RAD54L: variants seen among roughly 807,000 people sequenced by gnomAD.
RAD54L encodes DNA repair and recombination protein RAD54-like.
In RAD54L, 74 loss-of-function variants were observed where a neutral mutation model predicts 91.6. The observed-to-expected ratio is 0.81, with a 90% CI of 0.67 to 0.98. The LOEUF (loss-of-function observed/expected upper bound fraction) is 0.98. RAD54L is among the 50% of genes least tolerant of loss of function. RAD54L has a pLI of 0.00. For missense variants in RAD54L, 887 were observed against 945.7 expected (o/e 0.94, Z 0.81); for synonymous variants, 304 against 349.7 (o/e 0.87, Z 1.46).
At chr1:46,250,271 C>T in intron 3 of RAD54L, 152 bp downstream of exon 3, 4 of 1,099,846 alleles carry the variant, frequency 3.6e-6, no homozygotes, top group Admixed American at 1.8e-5. Flanking sequence ...GCTGCTGGGG[C>T]CTGCTTAGAG....
At position 46,265,181 on chromosome 1, in the gene RAD54L, T is replaced by A. The variant is rs4660917; in HGVS notation, c.892-2278T>A. On this transcript the variant is annotated intron_variant, in intron 8 of 17. Coordinates refer to ENST00000371975, the MANE Select transcript of RAD54L (RefSeq NM_003579.4). The surrounding 1 kb of genome is among the most constrained non-coding windows in gnomAD (Gnocchi z 4.8). ...TACTTGGAGCCTCTAATAATTTTTTTTTTCTTAATTAAATTTCTAGGCCAA... is the reference window on the plus strand; with the variant it reads ...TACTTGGAGCCTCTAATAATTTTTTATTTCTTAATTAAATTTCTAGGCCAA... Among the ~76,000 whole-genome samples, 100,218 of 151,792 alleles carry A rather than the reference T, an allele frequency of 0.66. 34,044 individuals carry two copies. The highest frequency in any genetic ancestry group is 0.79 in the East Asian group (4,056 of 5,120).
chr1:46,252,702 C>G (rs75642106), intron 3 of RAD54L, among the ~76,000 whole-genome samples: 2,723 of 152,002 alleles, frequency 0.018, 74 homozygotes, highest in African/African-American at 0.057. Context: ...CCATGAAGTT[C>G]AATGTATTAT....
At chr1:46,274,421 G>C (rs999419695) in intron 15 of RAD54L, 117 bp from the exon 16 acceptor site, 3 of 1,357,766 alleles carry the variant, frequency 2.2e-6, no homozygotes, top group Non-Finnish European at 3.2e-6. Flanking sequence ...ATAAACTGGT[G>C]GTTTTCACAA....
rs1364266436 is a variant in RAD54L, at chr1:46,248,424, G to A, written c.3+16G>A. On this transcript the variant is annotated intron_variant, in intron 1 of 17. Transcript: ENST00000371975. ...GCCCAGGATGGTAAGTGTGGGCCTA[G>A]GGGAGACTGGGAATAGCCCTGGGTC... The A allele has an allele frequency of 1.2e-6, 2 of 1,614,016 alleles. No individual in the cohort carries two copies. The highest frequency in any genetic ancestry group is 1.7e-6 in the Non-Finnish European group (2 of 1,179,916).
At position 46,260,870 on chromosome 1, in the gene RAD54L, C is replaced by G. The variant is rs1660095715; in HGVS notation, c.621C>G (p.Cys207Trp). ...CACTTTTACGCCAGAGTCCAGAGTG[C>G]AAGCCAGAAATTGACAAGGCAGTGG... ...MWTLLRQSPE[C>W]KPEIDKAVVV... The change falls in exon 7 of 18, where the codon TGC (cysteine) becomes TGG (tryptophan). Residue 207 changes from cysteine to tryptophan, a missense_variant. By Grantham distance (215) the Cys-to-Trp change is radical (BLOSUM62 -2). Coordinates refer to ENST00000371975, the MANE Select transcript of RAD54L (RefSeq NM_003579.4). 1.2e-6 allele frequency: 2 copies of G among 1,614,224 alleles called. No individual in the cohort carries two copies. Among genetic ancestry groups the G allele is most frequent in the African/African-American group, 2.7e-5 (2 of 75,056 alleles).
intron 9 of RAD54L, among the ~76,000 whole-genome samples, chr1:46,270,029 C>T (rs1052258769): frequency 1.3e-5 from 2 of 151,824 alleles, no homozygotes; most frequent in Admixed American, 6.6e-5. Context: ...GCCATGATTG[C>T]CCCATTGCAT....
Position 46,277,801 on chromosome 1 carries a change from A to T in RAD54L, c.1870-16A>T, listed in dbSNP as rs1333231487. 1.3e-6 allele frequency: 2 copies of T among 1,595,272 alleles called. No individual in the cohort carries two copies. Among genetic ancestry groups the T allele is most frequent in the Non-Finnish European group, 1.7e-6 (2 of 1,163,880 alleles). On this transcript the variant is annotated splice_polypyrimidine_tract_variant and intron_variant, in intron 16 of 17. Coordinates refer to ENST00000371975, the MANE Select transcript of RAD54L (RefSeq NM_003579.4). The stretch of plus-strand genomic sequence containing the variant: ...AGCGCTGTATCTTTTGACATTCCCC[A>T]CCTCCTCTTCCCCAGGCAGGGACCA...
intron 9 of RAD54L, among the ~76,000 whole-genome samples, chr1:46,267,978 T>G (rs1660314254): frequency 6.6e-6 from 1 of 152,206 alleles, no homozygotes; most frequent in African/African-American, 2.4e-5. Flanking sequence ...TTAAAAATCA[T>G]TTTAACCATT....
rs555848347 is a variant in RAD54L, at chr1:46,261,156, G to C, written c.767-105G>C. ...TTCCATTGAAAATAGTTGAAGTGGA[G>C]TCAGTTGTTTCCAGGCTAAATTAAA... On this transcript the variant is annotated intron_variant, in intron 7 of 17. Transcript: ENST00000371975. 5.2e-6 allele frequency: 8 copies of C among 1,550,590 alleles called. No individual in the cohort carries two copies. The South Asian group carries it at 9.1e-5, about 18-fold the overall frequency.
chr1:46,269,044 C>T (rs1660344325), intron 9 of RAD54L, among the ~76,000 whole-genome samples: 1 of 152,160 alleles, frequency 6.6e-6, no homozygotes, highest in Non-Finnish European at 1.5e-5. Flanking sequence ...GAATTATGGG[C>T]ATGAGCCCCT....
chr1:46,259,826 C>T, intron 4 of RAD54L, 138 bp from the exon 5 acceptor site: 1 of 1,103,936 alleles, frequency 9.1e-7, no homozygotes, highest in Non-Finnish European at 1.4e-6. Flanking sequence ...GATGCCCAAA[C>T]TGAGTTTGGA....
At chr1:46,253,490 G>A (rs1057291482) in intron 3 of RAD54L, among the ~76,000 whole-genome samples, 2 of 151,926 alleles carry the variant, frequency 1.3e-5, no homozygotes, top group Non-Finnish European at 2.9e-5. Context: ...GTGTGGTGGC[G>A]GGCGCCTGTA....
intron 9 of RAD54L, 150 bp from the exon 10 acceptor site, chr1:46,270,509 C>A: frequency 9.8e-7 from 1 of 1,018,012 alleles, no homozygotes; most frequent in Non-Finnish European, 1.5e-6. Context: ...TGATACCTCT[C>A]TGATCTGTTA....
intron 16 of RAD54L, among the ~76,000 whole-genome samples, chr1:46,276,195 T>C (rs1228672553): frequency 6.6e-6 from 1 of 152,124 alleles, no homozygotes; most frequent in African/African-American, 2.4e-5. Context: ...ACTGATTGAT[T>C]TTGAGACACT....
At position 46,263,030 on chromosome 1, in the gene RAD54L, T is replaced by C. The variant is rs1660173204; in HGVS notation, c.891+1645T>C. ...TGAAATTATTAAGAAAAAGCTCTTA[T>C]CGCAGTGCCTGGTATGTCATAAGGC... On this transcript the variant is annotated intron_variant, in intron 8 of 17. Transcript: ENST00000371975. This position sits in a 1 kb window ranked among gnomAD's most constrained non-coding sequence, Gnocchi z 4.3. Among the ~76,000 whole-genome samples, 1 of 152,154 alleles carries C rather than the reference T, an allele frequency of 6.6e-6. No individual in the cohort carries two copies. Among genetic ancestry groups the C allele is most frequent in the Admixed American group, 6.5e-5 (1 of 15,270 alleles).
chr1:46,254,337 C>T lies in RAD54L; in HGVS notation c.210+4218C>T, dbSNP rs142881065. On this transcript the variant is annotated intron_variant, in intron 3 of 17. Transcript: ENST00000371975. Reference sequence around the variant, plus strand: ...GAAGGGGTCCCAAAGGCAAAAGTGCCTGGGGCCCACAAGAGTCATAGTGTG... The same window carrying T: ...GAAGGGGTCCCAAAGGCAAAAGTGCTTGGGGCCCACAAGAGTCATAGTGTG... 4.4e-3 allele frequency among the ~76,000 whole-genome samples: 673 copies of T among 151,410 alleles called. 5 individuals carry two copies. The highest frequency in any genetic ancestry group is 0.015 in the African/African-American group (621 of 41,236).
At chr1:46,254,866 C>T (rs950854247) in intron 3 of RAD54L, among the ~76,000 whole-genome samples, 45 of 152,106 alleles carry the variant, frequency 3.0e-4, no homozygotes, top group African/African-American at 8.7e-4. Flanking sequence ...GGATTACAGA[C>T]GTGAGTCACT....
chr1:46,274,601 G>T lies in RAD54L; in HGVS notation c.1753G>T (p.Ala585Ser). The change falls in exon 16 of 18, where the codon GCT (alanine) becomes TCT (serine). Residue 585 changes from alanine (A) to serine (S), a missense_variant. By Grantham distance (99) the Ala-to-Ser change is moderately conservative. Coordinates refer to ENST00000371975, the MANE Select transcript of RAD54L (RefSeq NM_003579.4). Reference sequence around the variant, plus strand: ...GGGCTGTGGCCTCAATCTCATTGGGGCTAACCGGCTGGTCATGTTTGACCC... The same window carrying T: ...GGGCTGTGGCCTCAATCTCATTGGGTCTAACCGGCTGGTCATGTTTGACCC... ...AGGCGLNLIG[A>S]NRLVMFDPDW... 1 of 1,613,778 alleles carries T rather than the reference G, an allele frequency of 6.2e-7. No homozygotes were observed. The highest frequency in any genetic ancestry group is 8.5e-7 in the Non-Finnish European group (1 of 1,180,016).
chr1:46,259,922 C>G, intron 4 of RAD54L, 42 bp from the exon 5 acceptor site: 1 of 1,614,010 alleles, frequency 6.2e-7, no homozygotes, highest in Non-Finnish European at 8.5e-7. Flanking sequence ...GCTGGAGCTC[C>G]TAAACATAGA....
Sources: allele counts gnomAD v4.1 joint callset (sites outside exome capture counted in the v4.1 genomes callset), GRCh38; gene constraint gnomAD v4.1.1; non-coding constraint Gnocchi (gnomAD v3.1); transcripts MANE v1.5; gene names NCBI Gene and HGNC (gene_info 2026-07-23, HGNC 2026-07-21).